The following RCSD1 variants were observed in gnomAD, a reference collection of about 807,000 sequenced individuals.
The protein encoded by RCSD1 is RCSD domain containing 1, also known as capZ-interacting protein.
RCSD1 carries 26 observed loss-of-function variants against 42.5 expected under a neutral mutation model. The ratio of observed to expected loss-of-function variants is 0.61; its 90% confidence interval spans 0.45 to 0.85. The LOEUF (loss-of-function observed/expected upper bound fraction) is 0.85, where lower values mean the gene tolerates loss of function less well. Ranked by LOEUF, RCSD1 falls within the 40% of genes least tolerant of loss-of-function variation. RCSD1 has a pLI of 0.00. For synonymous variants in RCSD1, 220 were observed against 212.2 expected (o/e 1.04, Z -0.32); for missense variants, 571 against 528.3 (o/e 1.08, Z -0.79).
chr1:167,699,639 T>C lies in RCSD1; in HGVS notation c.1218+1797T>C, dbSNP rs6427099. Among the ~76,000 whole-genome samples the C allele has an allele frequency of 8.4e-3, 1,280 of 152,360 alleles. 23 individuals are homozygous for C. The highest frequency in any genetic ancestry group is 0.03 in the African/African-American group (1,228 of 41,582). ...TCTTGTCTTGAGATTCTTAGTTACA[T>C]CTGCAAAGAACCTTTTTCCAAATAA... On this transcript the variant is annotated intron_variant, in intron 6 of 6. Transcript: ENST00000367854.
At position 167,704,787 on chromosome 1, in the gene RCSD1, T is replaced by C; in HGVS notation, c.*91T>C. 1 of 1,298,052 alleles carries C rather than the reference T, an allele frequency of 7.7e-7. No individual in the cohort carries two copies. The highest frequency in any genetic ancestry group is 1.1e-6 in the Non-Finnish European group (1 of 903,762). The allele number at this position is 1,298,052 out of a possible 1,614,324, so 80.4% of individuals were successfully genotyped here. Reference sequence around the variant, plus strand: ...GTTGTAGCAGCAGCAGACGAAGCCATTGCAGAGGCAGAATATGCTGAGTGT... The same window carrying C: ...GTTGTAGCAGCAGCAGACGAAGCCACTGCAGAGGCAGAATATGCTGAGTGT... On this transcript the variant is annotated 3_prime_UTR_variant, in exon 7 of 7. Coordinates refer to ENST00000367854, the MANE Select transcript of RCSD1 (RefSeq NM_052862.4).
intron 1 of RCSD1, among the ~76,000 whole-genome samples, chr1:167,634,271 C>T (rs761361946): frequency 2.6e-5 from 4 of 152,124 alleles, no homozygotes; most frequent in African/African-American, 7.2e-5. Context: ...ACTGTCACCC[C>T]GGAAGGCTCC....
At chr1:167,682,749 TG>T (rs370210648) in intron 1 of RCSD1, among the ~76,000 whole-genome samples, 2 of 151,660 alleles carry the variant, frequency 1.3e-5, no homozygotes, top group Non-Finnish European at 2.9e-5. Flanking sequence ...AAGCATCCTT[TG>T]TTTTTGTAGA....
At position 167,705,515 on chromosome 1, in the gene RCSD1, A is replaced by G. The variant is rs1361617854; in HGVS notation, c.*819A>G. 1 of 152,212 alleles carries G rather than the reference A, an allele frequency of 6.6e-6. No homozygotes were observed. The highest frequency in any genetic ancestry group is 1.5e-5 in the Non-Finnish European group (1 of 68,036). The allele number at this position is 152,212 out of a possible 1,614,324, so 9.4% of individuals were successfully genotyped here. A position where few individuals can be genotyped will look rare whatever the true frequency, so the allele number is the denominator to read the frequency against. On this transcript the variant is annotated 3_prime_UTR_variant, in exon 7 of 7. Coordinates refer to ENST00000367854, the MANE Select transcript of RCSD1 (RefSeq NM_052862.4). ...GTCCCGCGTTGCATCTCCTCCTGAA[A>G]GAAAAGCAGTGATACCTGAATAATG...
chr1:167,657,743 G>A lies in RCSD1; in HGVS notation c.7-26157G>A, dbSNP rs1658454478. Among the ~76,000 whole-genome samples the A allele has an allele frequency of 2.0e-5, 3 of 152,136 alleles. No individual in the cohort carries two copies. The South Asian group carries it at 6.2e-4, about 32-fold the overall frequency. ...TTCCCCTGCTCAAATCAGACGTCCT[G>A]GAGAGCAGAGCTTAAAATTCTCATT... is the stretch of plus-strand genomic sequence containing the variant. On this transcript the variant is annotated intron_variant, in intron 1 of 6. Transcript: ENST00000367854.
chr1:167,693,319 C>T (rs1259544627), intron 4 of RCSD1, among the ~76,000 whole-genome samples: 1 of 152,234 alleles, frequency 6.6e-6, no homozygotes, highest in Non-Finnish European at 1.5e-5. Context: ...CCATGGACGC[C>T]TTCGGGCATC....
Position 167,694,229 on chromosome 1 carries a change from C to A in RCSD1, c.401C>A (p.Pro134His). 1 of 1,614,188 alleles carries A rather than the reference C, an allele frequency of 6.2e-7. No individual in the cohort carries two copies. The highest frequency in any genetic ancestry group is 1.1e-5 in the South Asian group (1 of 91,076). ...TPSSPGVRSR[P>H]SEAEEVPVSF... ...AGCAGCCCTGGTGTGCGATCTAGGC[C>A]CAGCGAGGCAGAGGAGGTGCCTGTC... is the stretch of plus-strand genomic sequence containing the variant. Residue 134 changes from proline to histidine, a missense_variant, in exon 5 of 7, where the codon CCC becomes CAC. Coordinates refer to ENST00000367854, the MANE Select transcript of RCSD1 (RefSeq NM_052862.4).
chr1:167,670,953 A>G (rs988051166), intron 1 of RCSD1, among the ~76,000 whole-genome samples: 6 of 152,216 alleles, frequency 3.9e-5, no homozygotes, highest in Admixed American at 3.9e-4. Context: ...AATCAACAGA[A>G]TATTGACTCC....
Position 167,705,677 on chromosome 1 carries a change from T to TG in RCSD1, c.*984dup, listed in dbSNP as rs1192984328. On this transcript the variant is annotated 3_prime_UTR_variant, in exon 7 of 7. Transcript: ENST00000367854. Reference sequence around the variant, plus strand: ...ATTAAAACATTTTTCTTAGTTTCCCTGGGAAGCTTTTCTTGACTCACAGCC... The same window carrying TG: ...ATTAAAACATTTTTCTTAGTTTCCCTGGGGAAGCTTTTCTTGACTCACAGCC... 6.6e-6 allele frequency: 1 copy of TG among 152,216 alleles called. No individual in the cohort carries two copies. The highest frequency in any genetic ancestry group is 2.4e-5 in the African/African-American group (1 of 41,446). The allele number at this position is 152,216 out of a possible 1,614,324, so 9.4% of individuals were successfully genotyped here.
At chr1:167,685,746 G>A (rs999233622) in intron 3 of RCSD1, among the ~76,000 whole-genome samples, 1 of 152,080 alleles carries the variant, frequency 6.6e-6, no homozygotes, top group Admixed American at 6.5e-5. Flanking sequence ...TCAAGGACAC[G>A]AACACTATTT....
chr1:167,669,585 A>G (rs1658752684), intron 1 of RCSD1, among the ~76,000 whole-genome samples: 1 of 152,204 alleles, frequency 6.6e-6, no homozygotes, highest in African/African-American at 2.4e-5. Context: ...GGGTTTTGTT[A>G]CATACTTTAA....
intron 1 of RCSD1, among the ~76,000 whole-genome samples, chr1:167,631,638 C>T (rs1224205086): frequency 6.6e-6 from 1 of 152,208 alleles, no homozygotes. Flanking sequence ...GTGTGTACCA[C>T]CATGCCTGGC....
chr1:167,636,079 C>A (rs1657844794), intron 1 of RCSD1, among the ~76,000 whole-genome samples: 1 of 152,206 alleles, frequency 6.6e-6, no homozygotes, highest in Non-Finnish European at 1.5e-5. Flanking sequence ...TCTGGGCAGT[C>A]AGCCTCCCGT....
chr1:167,701,252 G>GTTTGTTTCTTTCTTTCTTTCTTTCTTTC (rs1276194168), intron 6 of RCSD1, among the ~76,000 whole-genome samples: 2 of 96,140 alleles, frequency 2.1e-5, no homozygotes, highest in Admixed American at 1.2e-4. Flanking sequence ...CAATTGCCTA[G>GTTTGTTTCTTTCTTTCTTTCTTTCTTTC]TTTCTTTCTT....
chr1:167,684,950 G>A (rs1222831836), intron 2 of RCSD1, among the ~76,000 whole-genome samples: 1 of 152,184 alleles, frequency 6.6e-6, no homozygotes. Flanking sequence ...TGGCCCCTTG[G>A]GGCAAGTGAG....
intron 4 of RCSD1, among the ~76,000 whole-genome samples, chr1:167,691,422 C>T (rs975000555): frequency 5.3e-5 from 8 of 152,168 alleles, no homozygotes; most frequent in African/African-American, 1.4e-4. Context: ...AGATGTTCCC[C>T]GTGGGGGAAT....
rs2050127 is a variant in RCSD1, at chr1:167,649,882, G to T, written c.6+19453G>T. Among the ~76,000 whole-genome samples the T allele has an allele frequency of 1.0e-3, 152 of 152,296 alleles. 3 individuals carry two copies. The highest frequency in any genetic ancestry group is 6.7e-3 in the East Asian group (35 of 5,190). ...AGACAGACCAGGGCCTGGGTGTCTT[G>T]TGTCCATAATAATAAACAGCTCACC... On this transcript the variant is annotated intron_variant, in intron 1 of 6. Transcript: ENST00000367854.
intron 1 of RCSD1, among the ~76,000 whole-genome samples, chr1:167,633,470 CAG>C (rs926044456): frequency 6.6e-6 from 1 of 152,016 alleles, no homozygotes; most frequent in African/African-American, 2.4e-5. Flanking sequence ...AAAGCAGTAA[CAG>C]AAAAAAATGA....
chr1:167,697,065 T>C, intron 5 of RCSD1, 34 bp from the exon 6 acceptor site: 1 of 1,578,032 alleles, frequency 6.3e-7, no homozygotes, highest in Non-Finnish European at 8.6e-7. Context: ...TTTTTATGAG[T>C]TTTTGGATAA....
Sources: allele counts gnomAD v4.1 joint callset (sites outside exome capture counted in the v4.1 genomes callset), GRCh38; gene constraint gnomAD v4.1.1; transcripts MANE v1.5; gene names NCBI Gene and HGNC (gene_info 2026-07-23, HGNC 2026-07-21).